MYOM1: variants seen among roughly 807,000 people sequenced by gnomAD.
The protein encoded by MYOM1 is myomesin-1.
MYOM1 carries 164 observed loss-of-function variants against 205.3 expected under a neutral mutation model. The ratio of observed to expected loss-of-function variants is 0.80; its 90% CI spans 0.70 to 0.91. MYOM1 has a LOEUF of 0.91. MYOM1 is among the 40% of genes least tolerant of loss of function. MYOM1 has a pLI of 0.00. For missense variants in MYOM1, 2,011 were observed against 2,127.3 expected (o/e 0.95, Z 1.08); for synonymous variants, 772 against 789.4 (o/e 0.98, Z 0.37).
intron 19 of MYOM1, among the ~76,000 whole-genome samples, chr18:3,125,475 T>A (rs28447145): frequency 0.2 from 29,593 of 151,530 alleles, 3,070 homozygotes; most frequent in African/African-American, 0.23. Context: ...CAATTTTGTA[T>A]AGGCGCAGTG....
intron 12 of MYOM1, among the ~76,000 whole-genome samples, chr18:3,151,024 A>T (rs539256085): frequency 0.035 from 1,947 of 55,768 alleles, 33 homozygotes; most frequent in African/African-American, 0.1. Flanking sequence ...TTTTTTTTTT[A>T]AAAGATGGGG....
intron 3 of MYOM1, among the ~76,000 whole-genome samples, chr18:3,191,843 C>A (rs1169108092): frequency 6.6e-6 from 1 of 151,730 alleles, no homozygotes; most frequent in Non-Finnish European, 1.5e-5. Context: ...CTACAGGTGC[C>A]CGCCACCACG....
At chr18:3,215,994 A>G (rs7239757) in intron 1 of MYOM1, among the ~76,000 whole-genome samples, 22,271 of 152,148 alleles carry the variant, frequency 0.15, 2,394 homozygotes, top group African/African-American at 0.3. Context: ...GAGGCCGGGC[A>G]CAGTGGGTCA....
intron 2 of MYOM1, among the ~76,000 whole-genome samples, chr18:3,196,866 T>C (rs1352480733): frequency 2.0e-5 from 3 of 152,312 alleles, no homozygotes; most frequent in South Asian, 2.1e-4. Context: ...ATTCAAATAC[T>C]GAACAGAAAA....
chr18:3,113,881 C>A (rs923517869), intron 21 of MYOM1, among the ~76,000 whole-genome samples: 1 of 152,074 alleles, frequency 6.6e-6, no homozygotes, highest in Non-Finnish European at 1.5e-5. Context: ...GTGTTTGTGA[C>A]CATGTATTTA....
the MYOM1 span, among the ~76,000 whole-genome samples, chr18:3,229,146 T>C: frequency 1.3e-5 from 2 of 152,216 alleles, no homozygotes; most frequent in Non-Finnish European, 2.9e-5. Flanking sequence ...CTCTGTGACT[T>C]CTTTTGAGAG....
the MYOM1 span, among the ~76,000 whole-genome samples, chr18:3,241,138 G>T: frequency 6.6e-6 from 1 of 152,228 alleles, no homozygotes; most frequent in Admixed American, 6.5e-5. Context: ...TCCATTTTCT[G>T]AGGAGAAATT....
chr18:3,208,195 G>A (rs1299947997), intron 2 of MYOM1, among the ~76,000 whole-genome samples: 1 of 152,174 alleles, frequency 6.6e-6, no homozygotes, highest in Non-Finnish European at 1.5e-5. Flanking sequence ...TGGATTTAGG[G>A]TTGGTCTTTG....
At chr18:3,187,701 G>A (rs1386441786) in intron 4 of MYOM1, 64 bp from the exon 5 acceptor site, 1 of 1,452,584 alleles carries the variant, frequency 6.9e-7, no homozygotes, top group Non-Finnish European at 9.2e-7. Context: ...GTGAATTTTG[G>A]TGCTAAAATA....
rs929186469 is a variant in MYOM1 at position 3,209,364 on chromosome 18, C to T, written c.290+5570G>A. Among the ~76,000 whole-genome samples the T allele has an allele frequency of 2.1e-4, 32 of 152,340 alleles. No homozygotes were observed. The highest frequency in any genetic ancestry group is 6.7e-4 in the African/African-American group (28 of 41,578). On this transcript the variant is annotated intron_variant, in intron 2 of 37. Coordinates refer to ENST00000356443, the MANE Select transcript of MYOM1 (RefSeq NM_003803.4). This position sits in a 1 kb window ranked among gnomAD's most constrained non-coding sequence, Gnocchi z 4.0. Reference sequence around the variant, plus strand: ...TGCTCGCACATCCGCTCTTACTGCACATCTGGCCCTGGCTGGACTACAGCA... The same window carrying T: ...TGCTCGCACATCCGCTCTTACTGCATATCTGGCCCTGGCTGGACTACAGCA...
chr18:3,083,856 CGGCTGTGCTCTGGATTTTCAGGTCTGT>C lies in MYOM1; in HGVS notation c.4390_4416del (p.Thr1464_Ala1472del). Reference sequence around the variant, plus strand: ...ACAAAAGAGTACAGTTGGATGCCCTCGGCTGTGCTCTGGATTTTCAGGTCTGTAGCAGACAAAGCTGAAAGAAGAAAA... The same window carrying C: ...ACAAAAGAGTACAGTTGGATGCCCTCAGCAGACAAAGCTGAAAGAAGAAAA... On this transcript the variant is annotated inframe_deletion, in exon 33 of 38. Coordinates refer to ENST00000356443, the MANE Select transcript of MYOM1 (RefSeq NM_003803.4). The C allele has an allele frequency of 1.9e-6, 3 of 1,583,728 alleles. No individual in the cohort carries two copies. The highest frequency in any genetic ancestry group is 2.6e-6 in the Non-Finnish European group (3 of 1,163,542).
chr18:3,243,641 C>T, the MYOM1 span, among the ~76,000 whole-genome samples: 9 of 152,030 alleles, frequency 5.9e-5, no homozygotes, highest in African/African-American at 2.2e-4. Flanking sequence ...GATAAATATC[C>T]ACATATTTAC....
At chr18:3,232,023 T>C in the MYOM1 span, among the ~76,000 whole-genome samples, 1 of 151,966 alleles carries the variant, frequency 6.6e-6, no homozygotes, top group African/African-American at 2.4e-5. Flanking sequence ...TTTAATTATA[T>C]TTTGAATTTT....
intron 5 of MYOM1, among the ~76,000 whole-genome samples, chr18:3,182,987 T>A (rs1465744373): frequency 6.9e-6 from 1 of 145,200 alleles, no homozygotes; most frequent in Non-Finnish European, 1.5e-5. Context: ...TGGAGTGCAG[T>A]GGCGTGATCT....
At chr18:3,198,601 T>C (rs2081023983) in intron 2 of MYOM1, among the ~76,000 whole-genome samples, 3 of 152,032 alleles carry the variant, frequency 2.0e-5, no homozygotes, top group Non-Finnish European at 4.4e-5. Flanking sequence ...CTGGCCAAGA[T>C]GGTGAAACCC....
chr18:3,084,972 C>G, intron 31 of MYOM1, 73 bp downstream of exon 31: 1 of 1,129,744 alleles, frequency 8.9e-7, no homozygotes, highest in South Asian at 1.6e-5. Flanking sequence ...ATCGTCAGCT[C>G]GGCCTCAATC....
chr18:3,141,973 C>T lies in MYOM1; in HGVS notation c.1991G>A (p.Arg664His), dbSNP rs373489373. 1.8e-4 allele frequency: 297 copies of T among 1,613,780 alleles called. No homozygotes were observed. The highest frequency in any genetic ancestry group is 2.4e-4 in the Non-Finnish European group (278 of 1,179,858). The change falls in exon 14 of 38, where the codon CGT becomes CAT. Residue 664 changes from arginine (R) to histidine (H), a missense_variant. Physicochemically the swap from Arg to His is conservative, Grantham distance 29. Transcript: ENST00000356443. Reference sequence around the variant, plus strand: ...AAAGTACATAATGCCCTCATGACCACGCTGGCCAGGGGGCTTCCAGCTGAG... The same window carrying T: ...AAAGTACATAATGCCCTCATGACCATGCTGGCCAGGGGGCTTCCAGCTGAG... ...VVLSWKPPGQ[R>H]GHEGIMYFVE...
At chr18:3,091,816 C>T (rs2079230970) in intron 26 of MYOM1, among the ~76,000 whole-genome samples, 2 of 152,204 alleles carry the variant, frequency 1.3e-5, no homozygotes, top group Admixed American at 6.5e-5. Flanking sequence ...ATTGCAACCT[C>T]GGCCTCCCAG....
Position 3,089,660 on chromosome 18 carries a change from A to C in MYOM1, c.4010-64T>G. ...GGTGGTATAAATGCACATGTCAGCCACTGCACTAAGTGATTTATATTCATT... is the reference window on the plus strand; with the variant it reads ...GGTGGTATAAATGCACATGTCAGCCCCTGCACTAAGTGATTTATATTCATT... On this transcript the variant is annotated intron_variant, in intron 27 of 37. Coordinates refer to ENST00000356443, the MANE Select transcript of MYOM1 (RefSeq NM_003803.4). 4.7e-6 allele frequency: 6 copies of C among 1,282,250 alleles called. No individual in the cohort carries two copies. The South Asian group carries it at 7.9e-5, about 17-fold the overall frequency. The allele number at this position is 1,282,250 out of a possible 1,614,324, so 79.4% of individuals were successfully genotyped here. A position where few individuals can be genotyped will look rare whatever the true frequency, so the allele number is the denominator to read the frequency against.
Sources: gnomAD v4.1 joint callset for allele counts (sites outside exome capture counted in the v4.1 genomes callset) on GRCh38, gnomAD v4.1.1 for gene constraint, Gnocchi (gnomAD v3.1) non-coding constraint, MANE v1.5 for transcripts, NCBI Gene and HGNC (gene_info 2026-07-23, HGNC 2026-07-21) for gene names.